The following CNTNAP5 variants were observed in gnomAD, a reference collection of about 807,000 sequenced individuals.
The protein encoded by CNTNAP5 is contactin associated protein family member 5.
In CNTNAP5, 72 loss-of-function variants were observed where a neutral mutation model predicts 150.2. That is an observed-to-expected ratio of 0.48 (90% confidence interval 0.40 to 0.58). CNTNAP5 has a LOEUF of 0.58. CNTNAP5 is among the 20% of genes least tolerant of loss of function. The pLI is 0.00. For synonymous variants in CNTNAP5, 672 were observed against 619.8 expected (o/e 1.08, Z -1.25); for missense variants, 1,636 against 1,626.2 (o/e 1.01, Z -0.10).
intron 3 of CNTNAP5, among the ~76,000 whole-genome samples, chr2:124,250,904 T>C (rs1019643653): frequency 1.3e-5 from 2 of 152,066 alleles, no homozygotes; most frequent in Non-Finnish European, 2.9e-5. Flanking sequence ...TAACCACAAG[T>C]TTCTACTACT....
At chr2:124,603,784 CATACATACATAT>C (rs1334769822) in intron 11 of CNTNAP5, among the ~76,000 whole-genome samples, 8 of 151,372 alleles carry the variant, frequency 5.3e-5, no homozygotes, top group African/African-American at 1.9e-4. Context: ...TAAATAAATA[CATACATACATAT>C]ATACATACAT....
chr2:124,597,038 T>C (rs201743633), intron 11 of CNTNAP5, among the ~76,000 whole-genome samples: 118,705 of 130,456 alleles, frequency 0.91, 54,878 homozygotes, highest in Middle Eastern at 0.99. Flanking sequence ...TGTGTCTCTG[T>C]ACGTGAGATG....
intron 3 of CNTNAP5, among the ~76,000 whole-genome samples, chr2:124,261,538 C>T (rs935317623): frequency 6.6e-6 from 1 of 152,176 alleles, no homozygotes; most frequent in African/African-American, 2.4e-5. Flanking sequence ...TTTCCCAATA[C>T]CCCTACTCCT....
chr2:124,803,797 A>C (rs572065302), intron 19 of CNTNAP5, among the ~76,000 whole-genome samples: 1 of 152,258 alleles, frequency 6.6e-6, no homozygotes, highest in South Asian at 2.1e-4. Flanking sequence ...CAAAACACAA[A>C]ACTCGGCAGT....
chr2:124,458,540 G>C (rs1693175485), intron 6 of CNTNAP5, among the ~76,000 whole-genome samples: 1 of 151,746 alleles, frequency 6.6e-6, no homozygotes, highest in African/African-American at 2.4e-5. Context: ...AAGGGAGTGA[G>C]AGATAAAAGA....
chr2:124,674,341 CTCCCTCCCTCCCTTCT>C (rs1245367013), intron 13 of CNTNAP5, among the ~76,000 whole-genome samples: 1 of 145,890 alleles, frequency 6.9e-6, no homozygotes. Flanking sequence ...CCCTCCTTCC[CTCCCTCCCTCCCTTCT>C]TCCCTCCCTC....
At chr2:124,529,053 G>A (rs1179819600) in intron 10 of CNTNAP5, among the ~76,000 whole-genome samples, 10 of 150,138 alleles carry the variant, frequency 6.7e-5, no homozygotes, top group Admixed American at 6.6e-4. Context: ...TGGCTCTTCT[G>A]CTTTGTTTTT....
At chr2:124,612,917 G>A (rs903186546) in intron 12 of CNTNAP5, among the ~76,000 whole-genome samples, 1 of 152,074 alleles carries the variant, frequency 6.6e-6, no homozygotes, top group Non-Finnish European at 1.5e-5. Flanking sequence ...GCCAGGTATT[G>A]TGGTGCATGC....
At chr2:124,281,455 T>C (rs1688010090) in intron 3 of CNTNAP5, among the ~76,000 whole-genome samples, 1 of 152,162 alleles carries the variant, frequency 6.6e-6, no homozygotes, top group Non-Finnish European at 1.5e-5. Flanking sequence ...AAATATCTCA[T>C]TGAGCATGGT....
chr2:124,580,399 T>C (rs1696384346), intron 11 of CNTNAP5, among the ~76,000 whole-genome samples: 1 of 152,238 alleles, frequency 6.6e-6, no homozygotes, highest in African/African-American at 2.4e-5. Context: ...GTTCAAACCA[T>C]GTTCAAATAA....
At chr2:124,111,691 T>A (rs1683302979) in intron 1 of CNTNAP5, among the ~76,000 whole-genome samples, 1 of 152,124 alleles carries the variant, frequency 6.6e-6, no homozygotes, top group African/African-American at 2.4e-5. Context: ...CCAAGGCAAA[T>A]GATTTATTGG....
intron 3 of CNTNAP5, among the ~76,000 whole-genome samples, chr2:124,308,182 T>C (rs1301579763): frequency 6.6e-6 from 1 of 152,228 alleles, no homozygotes. Context: ...TTTTCATTGC[T>C]AATATTGGAA....
At position 124,101,584 on chromosome 2, in the gene CNTNAP5, A is replaced by G. The variant is rs929147768; in HGVS notation, c.82+75852A>G. 2.6e-5 allele frequency among the ~76,000 whole-genome samples: 4 copies of G among 152,304 alleles called. No individual in the cohort carries two copies. The East Asian group carries it at 7.7e-4, about 29-fold the overall frequency. ...ACATCCATGGAGACCTCCTTTTAACACATGACTTGGCCCAGAGGTAGGCAG... is the reference window on the plus strand; with the variant it reads ...ACATCCATGGAGACCTCCTTTTAACGCATGACTTGGCCCAGAGGTAGGCAG... On this transcript the variant is annotated intron_variant, in intron 1 of 23. Transcript: ENST00000682447.
chr2:124,142,897 G>C (rs1684153850), intron 1 of CNTNAP5, among the ~76,000 whole-genome samples: 1 of 149,366 alleles, frequency 6.7e-6, no homozygotes, highest in Admixed American at 6.7e-5. Context: ...CCGCTAGCAA[G>C]ACTAATAAAG....
intron 3 of CNTNAP5, among the ~76,000 whole-genome samples, chr2:124,354,267 A>C (rs1026131321): frequency 1.3e-5 from 2 of 152,190 alleles, no homozygotes; most frequent in Non-Finnish European, 2.9e-5. Flanking sequence ...ATTAAAACAA[A>C]CAAAAAAAAT....
At chr2:124,507,914 C>CT (rs1376407136) in intron 8 of CNTNAP5, among the ~76,000 whole-genome samples, 2 of 152,162 alleles carry the variant, frequency 1.3e-5, no homozygotes. Flanking sequence ...AAGCCGCAGT[C>CT]TTTTTATAAT....
rs141827325 is a variant in CNTNAP5, at chr2:124,153,887, A to C, written c.83-67818A>C. On this transcript the variant is annotated intron_variant, in intron 1 of 23. Coordinates refer to ENST00000682447, the MANE Select transcript of CNTNAP5 (RefSeq NM_001367498.1). ...CTCGGCCTCCAAAAGTGCTGGGATT[A>C]GAGGTGTGAGCCACTAAGCCGGGCC... Among the ~76,000 whole-genome samples, 234 of 152,118 alleles carry C rather than the reference A, an allele frequency of 1.5e-3. 2 individuals are homozygous for C. Among genetic ancestry groups the C allele is most frequent in the South Asian group, 0.012 (59 of 4,818 alleles).
chr2:124,152,354 A>G (rs1032089197), intron 1 of CNTNAP5, among the ~76,000 whole-genome samples: 2 of 152,198 alleles, frequency 1.3e-5, no homozygotes, highest in Non-Finnish European at 2.9e-5. Flanking sequence ...CTTATATGGT[A>G]GATTGTACTA....
chr2:124,880,006 T>A (rs770652816), intron 21 of CNTNAP5, among the ~76,000 whole-genome samples: 1 of 152,150 alleles, frequency 6.6e-6, no homozygotes, highest in Non-Finnish European at 1.5e-5. Flanking sequence ...ATTAGAATTC[T>A]AGGTGCTTTC....
Sources: gnomAD v4.1 joint callset for allele counts (sites outside exome capture counted in the v4.1 genomes callset) on GRCh38, gnomAD v4.1.1 for gene constraint, MANE v1.5 for transcripts, NCBI Gene and HGNC (gene_info 2026-07-23, HGNC 2026-07-21) for gene names.